The following TPP2 variants were observed in gnomAD, a reference collection of about 807,000 sequenced individuals.
The protein encoded by TPP2 is tripeptidyl-peptidase 2.
A neutral mutation model predicts 155.9 loss-of-function variants in TPP2; 34 were observed. The ratio of observed to expected loss-of-function variants is 0.22; its 90% CI spans 0.17 to 0.29. The LOEUF (loss-of-function observed/expected upper bound fraction) is 0.29. Among genes scored for constraint, TPP2 ranks in the 10% least tolerant of loss-of-function variants. The pLI is 1.00. For missense variants in TPP2, 1,028 were observed against 1,522.3 expected (o/e 0.68, Z 5.40); for synonymous variants, 510 against 529.4 (o/e 0.96, Z 0.50).
intron 4 of TPP2, 137 bp from the exon 5 acceptor site, chr13:102,618,585 A>G (rs1880922466): frequency 9.0e-6 from 10 of 1,116,954 alleles, no homozygotes; most frequent in Non-Finnish European, 1.2e-5. Context: ...AGTTGCATAG[A>G]TAGAACAAAA....
At chr13:102,633,911 T>TGC in intron 10 of TPP2, 39 bp from the exon 11 acceptor site, 1 of 1,611,894 alleles carries the variant, frequency 6.2e-7, no homozygotes, top group African/African-American at 1.3e-5. Context: ...ATGTTTAGCT[T>TGC]TCACCATCCT....
chr13:102,604,419 A>G (rs1595129395), intron 1 of TPP2, among the ~76,000 whole-genome samples: 1 of 152,300 alleles, frequency 6.6e-6, no homozygotes, highest in Non-Finnish European at 1.5e-5. Flanking sequence ...ACCCAGTGTG[A>G]TAGCACATCT....
intron 18 of TPP2, 32 bp from the exon 19 acceptor site, chr13:102,644,877 T>G: frequency 6.2e-7 from 1 of 1,607,566 alleles, no homozygotes. Flanking sequence ...TTTAGTAAAG[T>G]TTGAGAAAGT....
At chr13:102,651,254 G>A in intron 23 of TPP2, 105 bp from the exon 24 acceptor site, 3 of 1,313,080 alleles carry the variant, frequency 2.3e-6, no homozygotes, top group Non-Finnish European at 3.1e-6. Flanking sequence ...TCTAAGTGGT[G>A]TAACACAGGT....
At position 102,646,334 on chromosome 13, in the gene TPP2, G is replaced by A. The variant is rs1883101107; in HGVS notation, c.2434G>A (p.Val812Ile). 1 of 1,612,712 alleles carries A rather than the reference G, an allele frequency of 6.2e-7. No homozygotes were observed. The highest frequency in any genetic ancestry group is 1.3e-5 in the African/African-American group (1 of 74,832). ...AKTKPLGSRD[V>I]LPNNRQLYEM... ...AACAAAACCTTTAGGATCAAGAGAT[G>A]TTTTGCCAAATAACCGTCAACTTTA... The change falls in exon 20 of 30, where the codon GTT (valine) becomes ATT (isoleucine). Residue 812 changes from valine to isoleucine, a missense_variant. This residue lies in a region of TPP2 where 325 missense variants were observed against 463.7 expected (regional missense o/e 0.70). Transcript: ENST00000376052.
chr13:102,629,728 C>G (rs1881888588), intron 9 of TPP2, 119 bp downstream of exon 9: 1 of 1,315,664 alleles, frequency 7.6e-7, no homozygotes, highest in Admixed American at 3.6e-5. Flanking sequence ...TAAGTGTGTC[C>G]TCAGGAAACT....
rs560814385 is a variant in TPP2, at chr13:102,604,820, G to A, written c.193G>A (p.Val65Ile). The change falls in exon 2 of 30, where the codon GTT becomes ATT. Residue 65 changes from valine to isoleucine, a missense_variant. By Grantham distance (29) the Val-to-Ile change is conservative (BLOSUM62 3). Coordinates refer to ENST00000376052, the MANE Select transcript of TPP2 (RefSeq NM_001330588.2). ...TACAACTGATGGAAAACCAAAAATC[G>A]TTGATATCATTGATACAACAGGAAG... ...QVTTDGKPKI[V>I]DIIDTTGSGD... is the part of the protein sequence containing the mutation. 1,289 of 1,611,748 alleles carry A rather than the reference G, an allele frequency of 8.0e-4. 20 individuals carry two copies. The South Asian group carries it at 0.012, about 15-fold the overall frequency.
intron 6 of TPP2, 63 bp from the exon 7 acceptor site, chr13:102,626,949 T>C: frequency 7.1e-7 from 1 of 1,407,652 alleles, no homozygotes. Context: ...ATATGCAAAT[T>C]GAATTGAATA....
At chr13:102,603,668 A>G (rs1035185800) in intron 1 of TPP2, among the ~76,000 whole-genome samples, 3 of 152,192 alleles carry the variant, frequency 2.0e-5, no homozygotes, top group African/African-American at 4.8e-5. Context: ...TGAGTGCTCC[A>G]TGAATACATT....
At chr13:102,619,872 C>T (rs922088759) in intron 5 of TPP2, among the ~76,000 whole-genome samples, 2 of 152,128 alleles carry the variant, frequency 1.3e-5, no homozygotes, top group Admixed American at 1.3e-4. Context: ...GAATAATAAA[C>T]CTTGATACAT....
In TPP2 at chr13:102,602,931, G is replaced by GT. The variant is rs67746548; in HGVS notation, c.166-1853dup. Among the ~76,000 whole-genome samples the GT allele has an allele frequency of 0.024, 3,553 of 147,568 alleles. 346 individuals are homozygous for GT. The East Asian group carries it at 0.34, about 14-fold the overall frequency. ...TTTGTTTTTTTGTTTTTCGTTTTTT[G>GT]TTTTTTTTTCAGTCGTTGTGTCTCT... On this transcript the variant is annotated intron_variant, in intron 1 of 29. Transcript: ENST00000376052.
chr13:102,616,969 G>A (rs528748184), intron 4 of TPP2, among the ~76,000 whole-genome samples: 48 of 151,402 alleles, frequency 3.2e-4, no homozygotes, highest in Admixed American at 5.9e-4. Flanking sequence ...GGAGTGCAGT[G>A]GTGTGATCTC....
At chr13:102,631,160 T>C (rs1002030504) in intron 10 of TPP2, 4 of 152,194 alleles carry the variant, frequency 2.6e-5, no homozygotes, top group African/African-American at 2.4e-5. Flanking sequence ...CTGAGTATGT[T>C]TGAAGTATAA....
intron 26 of TPP2, among the ~76,000 whole-genome samples, chr13:102,664,201 A>G (rs1437285808): frequency 2.6e-5 from 4 of 152,240 alleles, no homozygotes; most frequent in Admixed American, 2.0e-4. Context: ...TGTCCTAATC[A>G]GTTGAAAATC....
At chr13:102,659,194 G>T (rs1211521941) in intron 25 of TPP2, among the ~76,000 whole-genome samples, 1 of 152,070 alleles carries the variant, frequency 6.6e-6, no homozygotes. Flanking sequence ...AAAAAGGAAT[G>T]AAAAAAATGA....
chr13:102,677,198 C>T (rs760523719), intron 29 of TPP2, among the ~76,000 whole-genome samples: 21 of 152,150 alleles, frequency 1.4e-4, no homozygotes, highest in Admixed American at 2.0e-4. Flanking sequence ...AAATTAGCTC[C>T]TCCAGATCTT....
chr13:102,616,330 A>G, intron 3 of TPP2, 66 bp from the exon 4 acceptor site: 1 of 1,282,474 alleles, frequency 7.8e-7, no homozygotes, highest in Non-Finnish European at 1.1e-6. Context: ...CCACATATAA[A>G]TGCCTGTCTA....
chr13:102,600,389 GC>G (rs111489272), intron 1 of TPP2, among the ~76,000 whole-genome samples: 2 of 152,046 alleles, frequency 1.3e-5, no homozygotes, highest in African/African-American at 4.8e-5. Flanking sequence ...AATTCTGCGC[GC>G]CCCCTCCCCC....
At chr13:102,640,687 T>A (rs938554998) in intron 16 of TPP2, among the ~76,000 whole-genome samples, 1 of 135,970 alleles carries the variant, frequency 7.4e-6, no homozygotes, top group Non-Finnish European at 1.5e-5. Flanking sequence ...AGTCTCACTC[T>A]GTCGCCAGGC....
Sources: gnomAD v4.1 joint callset for allele counts (sites outside exome capture counted in the v4.1 genomes callset) on GRCh38, gnomAD v4.1.1 for gene constraint, gnomAD v4.1.1 regional missense constraint, MANE v1.5 for transcripts, NCBI Gene and HGNC (gene_info 2026-07-23, HGNC 2026-07-21) for gene names.